The following TRIP12 variants were observed in gnomAD, a reference collection of about 807,000 sequenced individuals.
The protein encoded by TRIP12 is thyroid hormone receptor interactor 12, also known as E3 ubiquitin-protein ligase TRIP12.
In TRIP12, 25 loss-of-function variants were observed where a neutral mutation model predicts 244.2. The observed-to-expected ratio is 0.10, with a 90% CI of 0.07 to 0.14. The LOEUF (loss-of-function observed/expected upper bound fraction) is 0.14. TRIP12 is among the 10% of genes least tolerant of loss of function. The pLI is 1.00. For missense variants in TRIP12, 1,677 were observed against 2,486.4 expected, an observed-to-expected ratio of 0.67 and a Z score of 6.92; for synonymous variants, 905 against 873.1, an observed-to-expected ratio of 1.04 and a Z score of -0.64.
rs1575201559 is a variant in TRIP12 at position 229,802,168 on chromosome 2, C to T, written c.3206+84G>A. On this transcript the variant is annotated intron_variant, in intron 21 of 41. Coordinates refer to ENST00000675903, the MANE Select transcript of TRIP12 (RefSeq NM_001348323.3). ...ATAATATATATATGCTAATATGTTA[C>T]CATTTTACTCCCTATATGATTCTTA... 8.8e-6 allele frequency: 9 copies of T among 1,026,320 alleles called. No individual in the cohort carries two copies. In the East Asian group the frequency reaches 2.5e-4, roughly 28 times the overall value. 63.6% of individuals were successfully genotyped at this position (1,026,320 alleles called of 1,614,324 possible).
At chr2:229,853,931 T>A (rs1423928556) in intron 4 of TRIP12, among the ~76,000 whole-genome samples, 1 of 152,188 alleles carries the variant, frequency 6.6e-6, no homozygotes, top group Non-Finnish European at 1.5e-5. Context: ...TTTAAAGCAA[T>A]GTACATGTAT....
At chr2:229,817,302 A>T (rs148760499) in intron 9 of TRIP12, among the ~76,000 whole-genome samples, 65 of 152,308 alleles carry the variant, frequency 4.3e-4, no homozygotes, top group Middle Eastern at 6.8e-3. Context: ...CATACCACAA[A>T]TGTAAATGTT....
chr2:229,893,629 T>C (rs1405171516), intron 1 of TRIP12, among the ~76,000 whole-genome samples: 1 of 152,228 alleles, frequency 6.6e-6, no homozygotes, highest in Non-Finnish European at 1.5e-5. Context: ...CTGAGTTTTA[T>C]CAATATTTTT....
chr2:229,857,001 A>C (rs1045910508), intron 4 of TRIP12, among the ~76,000 whole-genome samples: 1 of 152,222 alleles, frequency 6.6e-6, no homozygotes, highest in South Asian at 2.1e-4. Context: ...TACTATTAAT[A>C]GTATTGTCAT....
chr2:229,802,059 C>T (rs2044520542), intron 21 of TRIP12, among the ~76,000 whole-genome samples, 193 bp downstream of exon 21: 1 of 152,162 alleles, frequency 6.6e-6, no homozygotes, highest in South Asian at 2.1e-4. Context: ...TAATCTCTTA[C>T]AGTTCCTAAA....
At chr2:229,852,215 G>A (rs2058844145) in intron 4 of TRIP12, among the ~76,000 whole-genome samples, 1 of 152,152 alleles carries the variant, frequency 6.6e-6, no homozygotes, top group African/African-American at 2.4e-5. Context: ...AAATAATAGA[G>A]AGTAAAGTAG....
intron 8 of TRIP12, among the ~76,000 whole-genome samples, chr2:229,826,754 A>C (rs71355938): frequency 6.6e-6 from 1 of 151,870 alleles, no homozygotes; most frequent in Non-Finnish European, 1.5e-5. Flanking sequence ...GCGTATTTGT[A>C]TATGTTAATA....
intron 6 of TRIP12, among the ~76,000 whole-genome samples, chr2:229,832,080 C>T (rs1368363427): frequency 6.6e-6 from 1 of 151,956 alleles, no homozygotes; most frequent in East Asian, 1.9e-4. Flanking sequence ...GCCAAAATAC[C>T]AGCCACTGAC....
intron 32 of TRIP12, among the ~76,000 whole-genome samples, chr2:229,788,380 C>T (rs2040600472): frequency 6.6e-6 from 1 of 152,106 alleles, no homozygotes; most frequent in African/African-American, 2.4e-5. Context: ...AACTGTCTTC[C>T]ATGAAACTGG....
At chr2:229,799,707 G>C (rs947737189) in intron 21 of TRIP12, among the ~76,000 whole-genome samples, 1 of 151,926 alleles carries the variant, frequency 6.6e-6, no homozygotes, top group Non-Finnish European at 1.5e-5. Context: ...CCCGGGAGGC[G>C]GAGCTTGCAG....
chr2:229,853,151 T>A (rs1038607612), intron 4 of TRIP12, among the ~76,000 whole-genome samples: 1 of 152,098 alleles, frequency 6.6e-6, no homozygotes, highest in Non-Finnish European at 1.5e-5. Flanking sequence ...AGGAAACACA[T>A]CACATTCAAA....
chr2:229,915,681 C>T (rs1448435270), intron 1 of TRIP12, among the ~76,000 whole-genome samples: 2 of 138,326 alleles, frequency 1.4e-5, no homozygotes, highest in Admixed American at 1.5e-4. Flanking sequence ...CTAAGGAATA[C>T]TATTGTATAC....
In TRIP12 at chr2:229,775,711, AC is replaced by A. The variant is rs1461593143; in HGVS notation, c.5530-1451del. ...TCTCTAGGACATTGTAAATTCTAGC[AC>A]ATTTTCCATATTTCTTTAGAGAATT... is the stretch of plus-strand genomic sequence containing the variant. On this transcript the variant is annotated intron_variant, in intron 37 of 41. Transcript: ENST00000675903. Among the ~76,000 whole-genome samples the A allele has an allele frequency of 5.9e-5, 9 of 151,504 alleles. No homozygotes were observed. In the East Asian group the frequency reaches 1.4e-3, roughly 23 times the overall value.
intron 13 of TRIP12, among the ~76,000 whole-genome samples, chr2:229,811,673 A>G (rs758072764): frequency 1.3e-5 from 2 of 152,212 alleles, no homozygotes; most frequent in Non-Finnish European, 2.9e-5. Flanking sequence ...AAAAACAAAT[A>G]ATTCACTATG....
intron 1 of TRIP12, among the ~76,000 whole-genome samples, chr2:229,886,413 A>G (rs2066022084): frequency 6.6e-6 from 1 of 152,198 alleles, no homozygotes; most frequent in African/African-American, 2.4e-5. Flanking sequence ...ATTTATGGGC[A>G]TCAAAACCAT....
intron 1 of TRIP12, 78 bp from the exon 2 acceptor site, chr2:229,880,206 T>G (rs2064534480): frequency 4.5e-6 from 4 of 883,936 alleles, no homozygotes; most frequent in Middle Eastern, 3.2e-4. Context: ...GAACTTACGG[T>G]GACATGGAAA....
chr2:229,904,412 T>C (rs1234862072), intron 1 of TRIP12, among the ~76,000 whole-genome samples: 2 of 65,742 alleles, frequency 3.0e-5, no homozygotes, highest in African/African-American at 8.1e-5. Context: ...TGAGACTCCA[T>C]CTCCAAAAAA....
intron 24 of TRIP12, 23 bp downstream of exon 24, chr2:229,797,667 G>C (rs1165846465): frequency 6.2e-7 from 1 of 1,608,662 alleles, no homozygotes; most frequent in Non-Finnish European, 8.5e-7. Flanking sequence ...AAAAAGACCA[G>C]CAAAATGCAC....
chr2:229,838,084 A>G (rs930692983), intron 5 of TRIP12, among the ~76,000 whole-genome samples: 1 of 152,208 alleles, frequency 6.6e-6, no homozygotes, highest in Non-Finnish European at 1.5e-5. Context: ...GTCACACTAC[A>G]GTAAAGTGAG....
Sources: gnomAD v4.1 joint callset for allele counts (sites outside exome capture counted in the v4.1 genomes callset) on GRCh38, gnomAD v4.1.1 for gene constraint, MANE v1.5 for transcripts, NCBI Gene and HGNC (gene_info 2026-07-23, HGNC 2026-07-21) for gene names.